GPBP1L1: variants seen among roughly 807,000 people sequenced by gnomAD.
GPBP1L1 encodes GC-rich promoter binding protein 1 like 1, also known as vasculin-like protein 1.
In GPBP1L1, 23 loss-of-function variants were observed where a neutral mutation model predicts 52.5. The ratio of observed to expected loss-of-function variants is 0.44; its 90% CI spans 0.32 to 0.62. The LOEUF is 0.62. Among genes scored for constraint, GPBP1L1 ranks in the 20% least tolerant of loss-of-function variants. GPBP1L1 has a pLI of 0.06. For missense variants in GPBP1L1, 596 were observed against 579.3 expected (o/e 1.03, Z -0.30); for synonymous variants, 243 against 203.1 (o/e 1.20, Z -1.67).
chr1:45,640,069 A>G (rs1178099230), intron 8 of GPBP1L1, 141 bp downstream of exon 8: 7 of 550,488 alleles, frequency 1.3e-5, no homozygotes, highest in Admixed American at 3.2e-5. Flanking sequence ...AAAAAAAGCA[A>G]AGAAAGCTGT....
intron 2 of GPBP1L1, among the ~76,000 whole-genome samples, chr1:45,670,329 G>A (rs779236019): frequency 6.6e-6 from 1 of 152,156 alleles, no homozygotes; most frequent in African/African-American, 2.4e-5. Flanking sequence ...TAATGCAAGA[G>A]AATAAATCAG....
intron 3 of GPBP1L1, 49 bp downstream of exon 3, chr1:45,660,135 C>G: frequency 1.1e-6 from 1 of 945,044 alleles, no homozygotes; most frequent in Non-Finnish European, 1.3e-6. Context: ...TTTCATGATG[C>G]ATATACATAG....
intron 2 of GPBP1L1, among the ~76,000 whole-genome samples, chr1:45,681,996 A>G (rs746212426): frequency 6.6e-6 from 1 of 152,230 alleles, no homozygotes; most frequent in Non-Finnish European, 1.5e-5. Flanking sequence ...AGAAGGGTTA[A>G]TATCTACTTC....
chr1:45,639,073 CAAA>C (rs990243672), intron 8 of GPBP1L1, among the ~76,000 whole-genome samples: 5 of 151,396 alleles, frequency 3.3e-5, no homozygotes, highest in Non-Finnish European at 7.4e-5. Context: ...CAATGTGTAA[CAAA>C]AATCATATAT....
intron 2 of GPBP1L1, among the ~76,000 whole-genome samples, chr1:45,670,197 C>G (rs1645058216): frequency 6.6e-6 from 1 of 152,240 alleles, no homozygotes; most frequent in Non-Finnish European, 1.5e-5. Context: ...CTTTGCTCTG[C>G]TGGTAGGTTT....
intron 2 of GPBP1L1, among the ~76,000 whole-genome samples, chr1:45,682,291 A>T (rs1645221032): frequency 6.6e-6 from 1 of 152,234 alleles, no homozygotes. Flanking sequence ...AAGCAGAAAC[A>T]GAGTTTGCAA....
intron 7 of GPBP1L1, among the ~76,000 whole-genome samples, chr1:45,642,095 G>A (rs934999929): frequency 2.0e-5 from 3 of 151,970 alleles, no homozygotes; most frequent in East Asian, 1.9e-4. Context: ...CTGAGATTGC[G>A]CCACTGCACT....
Position 45,660,986 on chromosome 1 carries a change from T to C in GPBP1L1, c.-858A>G, listed in dbSNP as rs1227831238. 2.6e-5 allele frequency: 4 copies of C among 152,214 alleles called. No homozygotes were observed. The highest frequency in any genetic ancestry group is 9.7e-5 in the African/African-American group (4 of 41,450). The allele number at this position is 152,214 out of a possible 1,614,324, so 9.4% of individuals were successfully genotyped here. A position where few individuals can be genotyped will look rare whatever the true frequency, so the allele number is the denominator to read the frequency against. ...ATAAATTCAGAGCAAAGTTAAAACA[T>C]TAGAACGATGGGTAGGATGGATATT... On this transcript the variant is annotated 5_prime_UTR_variant, in exon 3 of 13. The change abolishes an upstream ATG in the 5' untranslated region. Transcript: ENST00000355105.
rs889351495 is a variant in GPBP1L1 at position 45,628,050 on chromosome 1, CACAA to C, written c.*202_*205del. The C allele has an allele frequency of 3.7e-6, 2 of 546,510 alleles. No homozygotes were observed. The highest frequency in any genetic ancestry group is 3.8e-5 in the African/African-American group (2 of 52,870). 33.9% of individuals were successfully genotyped at this position (546,510 alleles called of 1,614,324 possible). The stretch of plus-strand genomic sequence containing the variant: ...TGTGTTTAAAAAATCTGTCCCACCA[CACAA>C]ACTTCTCTCTATAAAGCAGATAACA... On this transcript the variant is annotated 3_prime_UTR_variant, in exon 13 of 13. Transcript: ENST00000355105.
chr1:45,638,494 A>T (rs1644625561), intron 8 of GPBP1L1, among the ~76,000 whole-genome samples: 1 of 152,136 alleles, frequency 6.6e-6, no homozygotes. Context: ...TATTTCTGTG[A>T]GAGTTTACCA....
intron 2 of GPBP1L1, among the ~76,000 whole-genome samples, chr1:45,681,939 T>A (rs1464370085): frequency 6.6e-6 from 1 of 152,222 alleles, no homozygotes; most frequent in Non-Finnish European, 1.5e-5. Context: ...TCCATCTCTA[T>A]GTTACCGAAA....
intron 2 of GPBP1L1, among the ~76,000 whole-genome samples, chr1:45,666,088 C>G (rs1317726803): frequency 1.3e-5 from 2 of 152,010 alleles, no homozygotes; most frequent in Non-Finnish European, 2.9e-5. Context: ...CTTTAATACT[C>G]TGTCTGGAAG....
chr1:45,646,189 A>AC (rs1415621264), intron 6 of GPBP1L1: 1 of 324,030 alleles, frequency 3.1e-6, no homozygotes, highest in East Asian at 9.8e-5. Flanking sequence ...GGATGTTCAC[A>AC]CACACCATTG....
At chr1:45,653,695 T>TTTTTTCC (rs1644848002) in intron 6 of GPBP1L1, among the ~76,000 whole-genome samples, 1 of 131,538 alleles carries the variant, frequency 7.6e-6, no homozygotes. Flanking sequence ...ATGATAATCT[T>TTTTTTCC]TTTTTTCTTT....
rs138108130 is a variant in GPBP1L1, at chr1:45,672,240, T to C, written c.-1097-11015A>G. ...GCTGGGCATGGTGGCCAGGCGCTTG[T>C]AGTCCCAACTACTCGGGAGGCTGAG... On this transcript the variant is annotated intron_variant, in intron 2 of 12. Transcript: ENST00000355105. 5.3e-3 allele frequency among the ~76,000 whole-genome samples: 809 copies of C among 151,524 alleles called. 9 individuals carry two copies. The highest frequency in any genetic ancestry group is 0.019 in the African/African-American group (781 of 41,300).
At chr1:45,677,895 G>C (rs1307040130) in intron 2 of GPBP1L1, among the ~76,000 whole-genome samples, 3 of 152,188 alleles carry the variant, frequency 2.0e-5, no homozygotes, top group African/African-American at 4.8e-5. Context: ...ATATATTGCT[G>C]ATTAGAGTGA....
chr1:45,657,298 C>A (rs1644896563), intron 4 of GPBP1L1, among the ~76,000 whole-genome samples: 1 of 152,098 alleles, frequency 6.6e-6, no homozygotes, highest in Admixed American at 6.5e-5. Context: ...CTTTGGGAGA[C>A]TGAGGCAGGT....
Position 45,659,139 on chromosome 1 carries a change from G to C in GPBP1L1, c.-52C>G. On this transcript the variant is annotated 5_prime_UTR_variant, in exon 4 of 13. Coordinates refer to ENST00000355105, the MANE Select transcript of GPBP1L1 (RefSeq NM_021639.5). ...GGTGAGGCATCCAACCTCATGGCCA[G>C]GATCTGAAAACAAAACAATTCAAAT... is the stretch of plus-strand genomic sequence containing the variant. The C allele has an allele frequency of 6.3e-7, 1 of 1,586,542 alleles. No individual in the cohort carries two copies. The highest frequency in any genetic ancestry group is 8.6e-7 in the Non-Finnish European group (1 of 1,156,706).
rs560130211 is a variant in GPBP1L1 at position 45,677,214 on chromosome 1, T to C, written c.-1098+8362A>G. 5.3e-5 allele frequency among the ~76,000 whole-genome samples: 8 copies of C among 151,922 alleles called. No individual in the cohort carries two copies. In the East Asian group the frequency reaches 1.6e-3, roughly 30 times the overall value. On this transcript the variant is annotated intron_variant, in intron 2 of 12. Coordinates refer to ENST00000355105, the MANE Select transcript of GPBP1L1 (RefSeq NM_021639.5). ...AGCCACGCATGGTGGCGCATGCCTG[T>C]AGTCCCAGCTACTCGGGAGACTAAG...
Sources: allele counts gnomAD v4.1 joint callset (sites outside exome capture counted in the v4.1 genomes callset), GRCh38; gene constraint gnomAD v4.1.1; transcripts MANE v1.5; gene names NCBI Gene and HGNC (gene_info 2026-07-23, HGNC 2026-07-21).